Variants in PLCB4 observed in about 807,000 individuals in gnomAD.
The protein encoded by PLCB4 is 1-phosphatidylinositol 4,5-bisphosphate phosphodiesterase beta-4.
Under a neutral mutation model 178.8 loss-of-function variants are expected in PLCB4, and 77 were observed. The observed-to-expected ratio is 0.43, with a 90% CI of 0.36 to 0.52. The LOEUF (loss-of-function observed/expected upper bound fraction) is 0.52. Ranked by LOEUF, PLCB4 falls within the 20% of genes least tolerant of loss-of-function variation. The pLI is 0.00. For synonymous variants in PLCB4, 496 were observed against 490.8 expected (o/e 1.01, Z -0.14); for missense variants, 1,024 against 1,453.4 (o/e 0.70, Z 4.80).
intron 35 of PLCB4, 61 bp from the exon 36 acceptor site, chr20:9,468,510 C>A: frequency 1.0e-6 from 1 of 976,090 alleles, no homozygotes; most frequent in South Asian, 1.3e-5. Flanking sequence ...AATCTCTCTA[C>A]CCATTAAACA....
chr20:9,270,120 C>A (rs948302652), intron 3 of PLCB4, among the ~76,000 whole-genome samples: 1 of 152,084 alleles, frequency 6.6e-6, no homozygotes, highest in African/African-American at 2.4e-5. Context: ...AGAGAAACTA[C>A]CTGTCTATGA....
chr20:9,099,043 T>C (rs2091040188), intron 2 of PLCB4, among the ~76,000 whole-genome samples: 1 of 151,980 alleles, frequency 6.6e-6, no homozygotes, highest in African/African-American at 2.4e-5. Context: ...GCTTTTTTAT[T>C]ATAATGTATT....
At chr20:9,345,489 G>A (rs1170501497) in intron 7 of PLCB4, among the ~76,000 whole-genome samples, 2 of 152,126 alleles carry the variant, frequency 1.3e-5, no homozygotes, top group Non-Finnish European at 2.9e-5. Context: ...GTTACAGCTG[G>A]CACTGCACAG....
At chr20:9,434,304 G>A (rs1483428392) in intron 28 of PLCB4, among the ~76,000 whole-genome samples, 1 of 152,188 alleles carries the variant, frequency 6.6e-6, no homozygotes, top group African/African-American at 2.4e-5. Flanking sequence ...ATTGGCAGGA[G>A]AGAAAGTTTT....
At chr20:9,281,754 A>G (rs2094496226) in intron 3 of PLCB4, among the ~76,000 whole-genome samples, 1 of 151,974 alleles carries the variant, frequency 6.6e-6, no homozygotes, top group Non-Finnish European at 1.5e-5. Flanking sequence ...CTGTGGTTAG[A>G]TGGCTGATAC....
intron 11 of PLCB4, among the ~76,000 whole-genome samples, 176 bp downstream of exon 11, chr20:9,372,579 A>G (rs1442769577): frequency 6.6e-6 from 1 of 152,122 alleles, no homozygotes; most frequent in African/African-American, 2.4e-5. Flanking sequence ...TGAGTTTTTG[A>G]GAAACTTTTA....
At chr20:9,373,886 G>T (rs1009507030) in intron 12 of PLCB4, among the ~76,000 whole-genome samples, 2 of 152,138 alleles carry the variant, frequency 1.3e-5, no homozygotes, top group African/African-American at 2.4e-5. Context: ...CAAGACTCTT[G>T]TTAATCCAAA....
chr20:9,293,322 CAG>C (rs1370545184), intron 3 of PLCB4, among the ~76,000 whole-genome samples: 2 of 111,000 alleles, frequency 1.8e-5, no homozygotes, highest in East Asian at 5.3e-4. Flanking sequence ...GCCTGGGTGA[CAG>C]AGACAGACTG....
intron 7 of PLCB4, among the ~76,000 whole-genome samples, chr20:9,349,781 C>G (rs1365002657): frequency 6.6e-6 from 1 of 152,174 alleles, no homozygotes; most frequent in African/African-American, 2.4e-5. Context: ...CCTTTTGGCC[C>G]CTGGGAGAGA....
At chr20:9,295,811 T>G (rs527888374) in intron 3 of PLCB4, among the ~76,000 whole-genome samples, 7 of 152,300 alleles carry the variant, frequency 4.6e-5, no homozygotes, top group Admixed American at 2.0e-4. Context: ...CCATGCTGTT[T>G]TGGTTACTGT....
intron 25 of PLCB4, among the ~76,000 whole-genome samples, chr20:9,413,483 T>C (rs994192302): frequency 2.0e-5 from 3 of 151,414 alleles, no homozygotes; most frequent in Admixed American, 6.6e-5. Context: ...CACGGCGAAA[T>C]CCCGTCTCTA....
intron 2 of PLCB4, among the ~76,000 whole-genome samples, chr20:9,141,017 T>C (rs1363970998): frequency 6.6e-6 from 1 of 152,138 alleles, no homozygotes; most frequent in Non-Finnish European, 1.5e-5. Context: ...GGTGATACCA[T>C]GTGAATCAGT....
intron 4 of PLCB4, among the ~76,000 whole-genome samples, chr20:9,322,492 G>A (rs886502848): frequency 6.6e-6 from 1 of 152,162 alleles, no homozygotes; most frequent in Non-Finnish European, 1.5e-5. Flanking sequence ...TGTCAAGAAC[G>A]TTAATTGAAG....
intron 36 of PLCB4, among the ~76,000 whole-genome samples, chr20:9,471,472 T>C (rs1465100741): frequency 1.3e-5 from 2 of 152,008 alleles, no homozygotes; most frequent in Non-Finnish European, 2.9e-5. Flanking sequence ...AGAAAAACGC[T>C]TTGAAAAACT....
chr20:9,075,039 G>T (rs1433415298), intron 1 of PLCB4, among the ~76,000 whole-genome samples: 1 of 152,046 alleles, frequency 6.6e-6, no homozygotes, highest in African/African-American at 2.4e-5. Context: ...TTGTTGAGCA[G>T]TTAAAATGTG....
In PLCB4 at chr20:9,136,530, T is replaced by G. The variant is rs568260535; in HGVS notation, c.-79+40188T>G. Among the ~76,000 whole-genome samples the G allele has an allele frequency of 3.9e-5, 6 of 152,194 alleles. No individual in the cohort carries two copies. In the South Asian group the frequency reaches 1.0e-3, roughly 26 times the overall value. Reference sequence around the variant, plus strand: ...TTCCTGGAAGCCTTACTCCTTGCACTTGTAGCTGAAAAGTCTACAAAAGAG... The same window carrying G: ...TTCCTGGAAGCCTTACTCCTTGCACGTGTAGCTGAAAAGTCTACAAAAGAG... On this transcript the variant is annotated intron_variant, in intron 2 of 39. Coordinates refer to ENST00000378473, the MANE Select transcript of PLCB4 (RefSeq NM_001377142.1).
intron 1 of PLCB4, among the ~76,000 whole-genome samples, chr20:9,090,441 A>G (rs1220489547): frequency 6.6e-6 from 1 of 152,002 alleles, no homozygotes; most frequent in Non-Finnish European, 1.5e-5. Context: ...GGGGAGGGAA[A>G]AAATGGAAGT....
intron 3 of PLCB4, among the ~76,000 whole-genome samples, chr20:9,298,822 A>T (rs568406569): frequency 6.6e-6 from 1 of 152,196 alleles, no homozygotes; most frequent in South Asian, 2.1e-4. Flanking sequence ...CAAATAGCGA[A>T]TGCTTGCTTT....
Position 9,391,712 on chromosome 20 carries a change from A to G in PLCB4, c.1323+1097A>G, listed in dbSNP as rs369779100. On this transcript the variant is annotated intron_variant, in intron 17 of 39. Transcript: ENST00000378473. ...GCCTGACTTTCCACTGCCAACATCC[A>G]CAGCTTTTTGCCTGAGAGTGAGCTC... 3.9e-5 allele frequency among the ~76,000 whole-genome samples: 6 copies of G among 152,012 alleles called. No homozygotes were observed. The East Asian group carries it at 7.7e-4, about 20-fold the overall frequency.
Sources: gnomAD v4.1 joint callset for allele counts (sites outside exome capture counted in the v4.1 genomes callset) on GRCh38, gnomAD v4.1.1 for gene constraint, MANE v1.5 for transcripts, NCBI Gene and HGNC (gene_info 2026-07-23, HGNC 2026-07-21) for gene names.